TRPM3: variants seen among roughly 807,000 people sequenced by gnomAD.
The protein encoded by TRPM3 is transient receptor potential cation channel subfamily M member 3.
A neutral mutation model predicts 181.2 loss-of-function variants in TRPM3; 77 were observed. The ratio of observed to expected loss-of-function variants is 0.42; its 90% CI spans 0.35 to 0.51. The LOEUF (loss-of-function observed/expected upper bound fraction) is 0.51, where lower values mean the gene tolerates loss of function less well. Among genes scored for constraint, TRPM3 ranks in the 20% least tolerant of loss-of-function variants. The probability of loss-of-function intolerance (pLI) is 0.01; values close to 1 mark genes in which losing one functional copy is unlikely to be tolerated. For missense variants in TRPM3, 1,759 were observed against 2,196.7 expected, an observed-to-expected ratio of 0.80 and a Z score of 3.98; for synonymous variants, 745 against 796.4, an observed-to-expected ratio of 0.94 and a Z score of 1.09.
chr9:70,784,223 T>A lies in TRPM3; in HGVS notation c.1030A>T (p.Ile344Phe). ...ALIVEGGPNV[I>F]SIVLEYLRDT... ...CGAAGGTACTCCAAAACAATCGAGA[T>A]CACATTGGGTCCTCCTTCCACTATG... The change falls in exon 7 of 26, where the codon ATC becomes TTC. Residue 344 changes from isoleucine (I) to phenylalanine (F), a missense_variant. Physicochemically the swap from Ile to Phe is conservative, Grantham distance 21 (BLOSUM62 0). Transcript: ENST00000677713. 1.2e-6 allele frequency: 2 copies of A among 1,613,144 alleles called. No homozygotes were observed. Among genetic ancestry groups the A allele is most frequent in the South Asian group, 1.1e-5 (1 of 90,998 alleles).
At chr9:71,105,723 T>A (rs2069367579) in intron 1 of TRPM3, among the ~76,000 whole-genome samples, 1 of 152,184 alleles carries the variant, frequency 6.6e-6, no homozygotes, top group African/African-American at 2.4e-5. Context: ...TGGCTAGCCC[T>A]AGGAGAGGCG....
At chr9:71,203,971 C>T (rs976979391) in intron 1 of TRPM3, among the ~76,000 whole-genome samples, 17 of 152,192 alleles carry the variant, frequency 1.1e-4, no homozygotes, top group Admixed American at 3.9e-4. Context: ...AAAGGATTCC[C>T]TACTTAATAA....
intron 1 of TRPM3, among the ~76,000 whole-genome samples, chr9:71,041,418 G>A (rs2058806527): frequency 6.6e-6 from 1 of 152,068 alleles, no homozygotes; most frequent in Non-Finnish European, 1.5e-5. Flanking sequence ...TCATGACATG[G>A]TTTCTTTCTG....
intron 1 of TRPM3, among the ~76,000 whole-genome samples, chr9:71,231,127 A>G (rs1363091951): frequency 9.9e-5 from 15 of 152,210 alleles, no homozygotes; most frequent in Non-Finnish European, 2.1e-4. Context: ...CCTCAAAGAT[A>G]GTCATATCCT....
chr9:70,955,187 A>G (rs1176667389), intron 1 of TRPM3, among the ~76,000 whole-genome samples: 1 of 152,130 alleles, frequency 6.6e-6, no homozygotes, highest in Admixed American at 6.5e-5. Context: ...GAGACGAAAA[A>G]AAAGTGGCAA....
At chr9:71,446,941 T>A, upstream of TRPM3, 1 of 1,172,916 alleles carries the variant, frequency 8.5e-7, no homozygotes, top group Non-Finnish European at 1.1e-6. Flanking sequence ...CGGTTGGCGC[T>A]GCCTTTGCCT....
chr9:70,821,145 G>A (rs1384051121), intron 6 of TRPM3, among the ~76,000 whole-genome samples: 1 of 152,110 alleles, frequency 6.6e-6, no homozygotes, highest in Non-Finnish European at 1.5e-5. Flanking sequence ...AAAATTCTTA[G>A]ACTAATATTT....
intron 1 of TRPM3, among the ~76,000 whole-genome samples, chr9:71,128,785 A>G (rs1335431381): frequency 1.3e-5 from 2 of 152,254 alleles, no homozygotes; most frequent in Non-Finnish European, 1.5e-5. Flanking sequence ...GAGGGAGCTC[A>G]GCATTCACTA....
At chr9:70,953,606 G>A (rs1274102561) in intron 1 of TRPM3, among the ~76,000 whole-genome samples, 1 of 152,080 alleles carries the variant, frequency 6.6e-6, no homozygotes, top group Non-Finnish European at 1.5e-5. Context: ...TTTAATATGA[G>A]GTGAGATTAC....
At chr9:70,740,599 C>T (rs1050728349) in intron 8 of TRPM3, among the ~76,000 whole-genome samples, 31 of 152,078 alleles carry the variant, frequency 2.0e-4, no homozygotes, top group Non-Finnish European at 4.1e-4. Flanking sequence ...GCCATAGTCA[C>T]CAAAACAGCA....
At chr9:71,365,526 C>A (rs1489457062) in intron 1 of TRPM3, among the ~76,000 whole-genome samples, 3 of 152,122 alleles carry the variant, frequency 2.0e-5, no homozygotes, top group African/African-American at 7.2e-5. Flanking sequence ...TAGATAGTAA[C>A]ATACGGATTA....
At chr9:71,001,665 C>T (rs960767995) in intron 1 of TRPM3, among the ~76,000 whole-genome samples, 1 of 152,186 alleles carries the variant, frequency 6.6e-6, no homozygotes, top group Admixed American at 6.5e-5. Context: ...AAAAATGAGC[C>T]TTTCTGATGT....
intron 14 of TRPM3, among the ~76,000 whole-genome samples, chr9:70,623,185 C>T (rs555383079): frequency 7.2e-5 from 11 of 151,856 alleles, no homozygotes; most frequent in Admixed American, 2.0e-4. Flanking sequence ...GCCAACATGG[C>T]GAAACCCCTT....
chr9:70,940,616 T>C (rs553077087), intron 1 of TRPM3, among the ~76,000 whole-genome samples: 6 of 152,234 alleles, frequency 3.9e-5, no homozygotes, highest in African/African-American at 1.4e-4. Flanking sequence ...ATATAAATAG[T>C]GTGAAAGAAA....
intron 8 of TRPM3, among the ~76,000 whole-genome samples, chr9:70,750,050 C>T (rs1587802428): frequency 6.6e-6 from 1 of 152,186 alleles, no homozygotes; most frequent in East Asian, 1.9e-4. Flanking sequence ...GTGTCAGGGT[C>T]CCTACAGAAG....
intron 1 of TRPM3, among the ~76,000 whole-genome samples, chr9:71,295,294 T>G (rs578226782): frequency 1.3e-5 from 2 of 152,004 alleles, no homozygotes; most frequent in African/African-American, 2.4e-5. Context: ...GAATAGAAAT[T>G]AAAAATTATG....
At chr9:71,446,680 G>A in exon 1 of TRPM3, 1 of 1,550,390 alleles carries the variant, frequency 6.4e-7, no homozygotes, top group Non-Finnish European at 8.7e-7. Flanking sequence ...GGAGTCCCGA[G>A]CGTTTGGTGG....
intron 19 of TRPM3, 107 bp downstream of exon 19, chr9:70,610,502 T>C (rs1385504456): frequency 7.3e-7 from 1 of 1,365,592 alleles, no homozygotes; most frequent in Non-Finnish European, 1.0e-6. Context: ...CTTTCACTCC[T>C]GTGTGTGGCA....
At chr9:70,982,855 C>A (rs1329167732) in intron 1 of TRPM3, among the ~76,000 whole-genome samples, 2 of 152,056 alleles carry the variant, frequency 1.3e-5, no homozygotes, top group Non-Finnish European at 2.9e-5. Context: ...TGCCCGCCAC[C>A]ACACCTGGCT....
Sources: allele counts gnomAD v4.1 joint callset (sites outside exome capture counted in the v4.1 genomes callset), GRCh38; gene constraint gnomAD v4.1.1; transcripts MANE v1.5; gene names NCBI Gene and HGNC (gene_info 2026-07-23, HGNC 2026-07-21).